SEMA3A: variants seen among roughly 807,000 people sequenced by gnomAD.
The protein encoded by SEMA3A is semaphorin-3A.
SEMA3A carries 29 observed loss-of-function variants against 97.9 expected under a neutral mutation model. The ratio of observed to expected loss-of-function variants is 0.30; its 90% CI spans 0.22 to 0.40. SEMA3A has a LOEUF of 0.40. SEMA3A is among the 10% of genes least tolerant of loss of function. The pLI is 1.00. For synonymous variants in SEMA3A, 321 were observed against 323.7 expected (o/e 0.99, Z 0.09); for missense variants, 763 against 951.3 (o/e 0.80, Z 2.60).
chr7:84,001,678 T>TTCA (rs1554390932), intron 12 of SEMA3A, among the ~76,000 whole-genome samples: 5 of 151,420 alleles, frequency 3.3e-5, no homozygotes, highest in East Asian at 1.9e-4. Context: ...TTGAGGTAAC[T>TTCA]TAAATAATAT....
intron 3 of SEMA3A, among the ~76,000 whole-genome samples, chr7:84,221,164 A>C (rs1052170943): frequency 6.6e-6 from 1 of 152,024 alleles, no homozygotes; most frequent in Non-Finnish European, 1.5e-5. Flanking sequence ...TCTTTTCAAG[A>C]CCTCATGAAC....
chr7:84,147,462 T>C (rs553496287), intron 1 of SEMA3A, among the ~76,000 whole-genome samples: 1 of 152,214 alleles, frequency 6.6e-6, no homozygotes, highest in Non-Finnish European at 1.5e-5. Flanking sequence ...TCAGTGTTCA[T>C]GGGTGTCCCT....
chr7:84,194,432 G>T (rs1047747522), intron 1 of SEMA3A, 43 bp downstream of exon 1: 2 of 1,292,938 alleles, frequency 1.5e-6, no homozygotes, highest in Non-Finnish European at 2.2e-6. Flanking sequence ...GGGGGGGGGC[G>T]GTTATTACAA....
At chr7:84,374,247 T>A (rs1354904602) in intron 1 of SEMA3A, among the ~76,000 whole-genome samples, 4 of 152,204 alleles carry the variant, frequency 2.6e-5, no homozygotes, top group African/African-American at 9.6e-5. Context: ...AACAATTCCA[T>A]TCAAAGAATT....
intron 12 of SEMA3A, among the ~76,000 whole-genome samples, chr7:83,996,035 A>C (rs976389121): frequency 6.6e-6 from 1 of 152,200 alleles, no homozygotes; most frequent in South Asian, 2.1e-4. Context: ...AATTCCTTAC[A>C]TTCAATAGAA....
At chr7:84,247,346 T>C (rs1799498643) in intron 3 of SEMA3A, among the ~76,000 whole-genome samples, 1 of 152,194 alleles carries the variant, frequency 6.6e-6, no homozygotes, top group South Asian at 2.1e-4. Flanking sequence ...AAGATTAACA[T>C]ATTGTCATAT....
intron 4 of SEMA3A, among the ~76,000 whole-genome samples, chr7:84,078,937 T>C (rs968295401): frequency 2.0e-5 from 3 of 152,102 alleles, no homozygotes; most frequent in African/African-American, 4.8e-5. Flanking sequence ...TGACTTCTTT[T>C]GCTATCAGCT....
At chr7:84,111,272 G>A (rs1009499976) in intron 3 of SEMA3A, among the ~76,000 whole-genome samples, 6 of 152,120 alleles carry the variant, frequency 3.9e-5, no homozygotes, top group African/African-American at 1.4e-4. Context: ...AGCAAGGTGG[G>A]CACACATGAC....
intron 3 of SEMA3A, among the ~76,000 whole-genome samples, chr7:84,304,156 G>A (rs543336355): frequency 2.3e-4 from 35 of 152,226 alleles, no homozygotes; most frequent in African/African-American, 8.4e-4. Flanking sequence ...AGCTCCTCAT[G>A]GATGAAGGTG....
At chr7:84,308,194 T>C (rs1348329193) in intron 2 of SEMA3A, among the ~76,000 whole-genome samples, 1 of 152,144 alleles carries the variant, frequency 6.6e-6, no homozygotes. Flanking sequence ...TATATTACCA[T>C]ATATTTAAAA....
intron 1 of SEMA3A, among the ~76,000 whole-genome samples, chr7:84,399,874 C>G (rs576227929): frequency 6.6e-6 from 1 of 152,042 alleles, no homozygotes; most frequent in South Asian, 2.1e-4. Flanking sequence ...ACAGCTGCAG[C>G]AGCCATGGAA....
chr7:84,293,143 G>C (rs1229476236), intron 3 of SEMA3A, among the ~76,000 whole-genome samples: 1 of 151,944 alleles, frequency 6.6e-6, no homozygotes, highest in African/African-American at 2.4e-5. Flanking sequence ...TATACCTAAA[G>C]CACATTTTAA....
At chr7:84,438,268 T>C (rs371465593) in intron 1 of SEMA3A, among the ~76,000 whole-genome samples, 5 of 152,074 alleles carry the variant, frequency 3.3e-5, no homozygotes, top group East Asian at 3.8e-4. Context: ...AATGATTTTA[T>C]ATGTATTTAT....
chr7:84,275,630 G>A (rs1411719269), intron 3 of SEMA3A, among the ~76,000 whole-genome samples: 1 of 151,686 alleles, frequency 6.6e-6, no homozygotes, highest in African/African-American at 2.4e-5. Context: ...AAGTTCTCAG[G>A]GGTTGCTGGT....
At chr7:83,998,232 A>C (rs957117584) in intron 12 of SEMA3A, among the ~76,000 whole-genome samples, 1 of 152,172 alleles carries the variant, frequency 6.6e-6, no homozygotes, top group South Asian at 2.1e-4. Flanking sequence ...AAAAATCATA[A>C]AGTACACTTA....
intron 2 of SEMA3A, among the ~76,000 whole-genome samples, chr7:84,350,489 C>G (rs1240528655): frequency 6.6e-6 from 1 of 152,034 alleles, no homozygotes; most frequent in African/African-American, 2.4e-5. Context: ...ATTTGACATG[C>G]ATTCTGTGGA....
chr7:84,123,281 C>T (rs1183572189), intron 3 of SEMA3A, among the ~76,000 whole-genome samples: 6 of 151,942 alleles, frequency 3.9e-5, no homozygotes, highest in South Asian at 2.1e-4. Context: ...ATGGGAGTAA[C>T]GGTGAATAAC....
chr7:84,290,325 T>G (rs750633431), intron 3 of SEMA3A, among the ~76,000 whole-genome samples: 1 of 152,274 alleles, frequency 6.6e-6, no homozygotes, highest in African/African-American at 2.4e-5. Context: ...CCTTGGCTCA[T>G]CTAGAATCCG....
intron 12 of SEMA3A, among the ~76,000 whole-genome samples, chr7:83,988,212 T>TTTG (rs890681375): frequency 9.2e-5 from 14 of 151,962 alleles, no homozygotes; most frequent in Admixed American, 1.3e-4. Flanking sequence ...CTCTTGTGTT[T>TTTG]TTGTTGTTGT....
Sources: allele counts gnomAD v4.1 joint callset (sites outside exome capture counted in the v4.1 genomes callset), GRCh38; gene constraint gnomAD v4.1.1; transcripts MANE v1.5; gene names NCBI Gene and HGNC (gene_info 2026-07-23, HGNC 2026-07-21).